The following CDK15 variants were observed in gnomAD, a reference collection of about 807,000 sequenced individuals.
CDK15 encodes the protein cyclin-dependent kinase 15.
A neutral mutation model predicts 60.3 loss-of-function variants in CDK15; 62 were observed. The observed-to-expected ratio is 1.03, with a 90% CI of 0.84 to 1.27. The LOEUF (loss-of-function observed/expected upper bound fraction) is 1.27, where lower values mean the gene tolerates loss of function less well. Ranked by LOEUF, CDK15 falls within the 50% of genes most tolerant of loss-of-function variation. The pLI is 0.00. For synonymous variants in CDK15, 194 were observed against 195.7 expected (o/e 0.99, Z 0.07); for missense variants, 541 against 527.8 (o/e 1.03, Z -0.25).
chr2:201,871,721 TAAGCAAC>T (rs1369441045), intron 10 of CDK15, among the ~76,000 whole-genome samples: 1 of 152,138 alleles, frequency 6.6e-6, no homozygotes, highest in Non-Finnish European at 1.5e-5. Flanking sequence ...CTGGGTGGCT[TAAGCAAC>T]AGAAATTTAT....
At chr2:201,888,569 C>T (rs1559153273) in intron 12 of CDK15, 3 of 1,464,742 alleles carry the variant, frequency 2.0e-6, no homozygotes, top group Non-Finnish European at 2.7e-6. Flanking sequence ...CGCGCTGCAG[C>T]TTTTTTCGTT....
chr2:201,882,566 C>G lies in CDK15; in HGVS notation c.1198+2399C>G, dbSNP rs1195549904. On this transcript the variant is annotated intron_variant, in intron 12 of 13. Coordinates refer to ENST00000652192, the MANE Select transcript of CDK15 (RefSeq NM_001366386.2). The surrounding 1 kb of genome is among the most constrained non-coding windows in gnomAD (Gnocchi z 4.0). ...ACAAGCATTTCCTGCAGCGACATCT[C>G]GAATCCCCGAGGGAGAAGATGAAAG... Among the ~76,000 whole-genome samples the G allele has an allele frequency of 6.6e-6, 1 of 151,900 alleles. No individual in the cohort carries two copies. Among genetic ancestry groups the G allele is most frequent in the South Asian group, 2.1e-4 (1 of 4,822 alleles).
At chr2:201,824,735 A>G (rs1032970950) in intron 6 of CDK15, 2 of 601,076 alleles carry the variant, frequency 3.3e-6, no homozygotes, top group Non-Finnish European at 4.9e-6. Flanking sequence ...CAGAATTCAT[A>G]TATCATCAAA....
chr2:201,839,228 C>T (rs888769557), intron 8 of CDK15, among the ~76,000 whole-genome samples: 2 of 151,936 alleles, frequency 1.3e-5, no homozygotes, highest in African/African-American at 4.8e-5. Context: ...TACTTGATAC[C>T]TTGTAGGCCA....
intron 2 of CDK15, 78 bp from the exon 3 acceptor site, chr2:201,807,780 A>G: frequency 6.4e-7 from 1 of 1,551,664 alleles, no homozygotes; most frequent in Non-Finnish European, 8.7e-7. Context: ...TCCCTGGGGA[A>G]AAAAAGTCAA....
chr2:201,870,534 G>C lies in CDK15; in HGVS notation c.1010-1744G>C, dbSNP rs928337998. Among the ~76,000 whole-genome samples the C allele has an allele frequency of 5.3e-5, 7 of 131,434 alleles. No individual in the cohort carries two copies. In the East Asian group the frequency reaches 1.4e-3, roughly 26 times the overall value. 86.2% of individuals were successfully genotyped at this position (131,434 alleles called of 152,430 possible). A position where few individuals can be genotyped will look rare whatever the true frequency, so the allele number is the denominator to read the frequency against. On this transcript the variant is annotated intron_variant, in intron 10 of 13. Transcript: ENST00000652192. ...GACCAGCCTGGACAAAAAAAAAAAAGCGAGACTCCCATCTCTAAATAAATT... is the reference window on the plus strand; with the variant it reads ...GACCAGCCTGGACAAAAAAAAAAAACCGAGACTCCCATCTCTAAATAAATT...
At chr2:201,872,223 G>A (rs1698872057) in intron 10 of CDK15, 55 bp from the exon 11 acceptor site, 2 of 1,550,792 alleles carry the variant, frequency 1.3e-6, no homozygotes, top group Non-Finnish European at 1.8e-6. Flanking sequence ...AGTATATTTG[G>A]CAACAGGGTT....
At chr2:201,806,822 T>G (rs748943259) in intron 1 of CDK15, 35 bp downstream of exon 1, 3 of 1,594,922 alleles carry the variant, frequency 1.9e-6, no homozygotes, top group Non-Finnish European at 2.5e-6. Flanking sequence ...TCTTTCTCTA[T>G]TGATAAACCA....
chr2:201,883,613 A>G (rs1699356423), intron 12 of CDK15, among the ~76,000 whole-genome samples: 1 of 152,222 alleles, frequency 6.6e-6, no homozygotes, highest in Admixed American at 6.5e-5. Flanking sequence ...AAGTTCTGAC[A>G]TTTTCCCTTA....
intron 10 of CDK15, among the ~76,000 whole-genome samples, chr2:201,863,661 C>T (rs912186127): frequency 1.2e-4 from 19 of 152,112 alleles, no homozygotes; most frequent in East Asian, 7.7e-4. Context: ...TTTGGGAGGC[C>T]GAGGCGGGTG....
chr2:201,834,099 T>G (rs1696901587), intron 7 of CDK15, 128 bp downstream of exon 7: 1 of 1,146,212 alleles, frequency 8.7e-7, no homozygotes, highest in South Asian at 2.0e-5. Context: ...TGTGAGGATA[T>G]CAAACTACCA....
intron 6 of CDK15, among the ~76,000 whole-genome samples, chr2:201,826,458 CAAAAAAAAAAA>C (rs373198183): frequency 1.3e-5 from 1 of 78,204 alleles, no homozygotes; most frequent in Non-Finnish European, 2.2e-5. Context: ...GACTGCGTCT[CAAAAAAAAAAA>C]AAAAAAAAAA....
chr2:201,881,299 C>T (rs1184165560), intron 12 of CDK15, among the ~76,000 whole-genome samples: 1 of 152,140 alleles, frequency 6.6e-6, no homozygotes, highest in Non-Finnish European at 1.5e-5. Flanking sequence ...CCAAAAATAA[C>T]CATAATCATA....
At chr2:201,853,889 C>T (rs192666589) in intron 9 of CDK15, among the ~76,000 whole-genome samples, 70 of 152,202 alleles carry the variant, frequency 4.6e-4, no homozygotes, top group East Asian at 3.3e-3. Flanking sequence ...AGGCCAGGCG[C>T]GGTTGCTCAT....
intron 8 of CDK15, among the ~76,000 whole-genome samples, chr2:201,842,829 G>T (rs1697460211): frequency 6.6e-6 from 1 of 152,146 alleles, no homozygotes; most frequent in South Asian, 2.1e-4. Flanking sequence ...TTCTGGAAGG[G>T]TTTAATGTTT....
At chr2:201,854,716 A>T (rs751554774) in intron 9 of CDK15, 158 bp from the exon 10 acceptor site, 10 of 620,798 alleles carry the variant, frequency 1.6e-5, no homozygotes, top group Non-Finnish European at 2.8e-5. Flanking sequence ...GGAAACACTC[A>T]AGTTTCTTTC....
intron 8 of CDK15, among the ~76,000 whole-genome samples, chr2:201,841,543 A>C (rs1697380938): frequency 6.6e-6 from 1 of 152,190 alleles, no homozygotes; most frequent in East Asian, 1.9e-4. Context: ...GTGAGAAGGG[A>C]GAAGATTTCC....
Position 201,823,713 on chromosome 2 carries a change from C to T in CDK15, c.592C>T (p.Pro198Ser). 1 of 1,613,742 alleles carries T rather than the reference C, an allele frequency of 6.2e-7. No homozygotes were observed. Among genetic ancestry groups the T allele is most frequent in the Non-Finnish European group, 8.5e-7 (1 of 1,179,792 alleles). Residue 198 changes from proline to serine, a missense_variant, in exon 6 of 14, where the codon CCT (proline) becomes TCT (serine). Coordinates refer to ENST00000652192, the MANE Select transcript of CDK15 (RefSeq NM_001366386.2). ...GTCTCAGCATCCAGGAGGGCTTCAT[C>T]CTCATAATGTCAGAGTGAGTACGTT... ...YMSQHPGGLHPHNVRLFMFQL... is the reference protein window; with the variant it reads ...YMSQHPGGLHSHNVRLFMFQL...
At chr2:201,880,004 T>A (rs1443234223) in intron 11 of CDK15, 24 bp from the exon 12 acceptor site, 2 of 1,612,578 alleles carry the variant, frequency 1.2e-6, no homozygotes, top group East Asian at 4.5e-5. Flanking sequence ...GGAGAAACTC[T>A]ATTTTTCTCT....
Sources: allele counts gnomAD v4.1 joint callset (sites outside exome capture counted in the v4.1 genomes callset), GRCh38; gene constraint gnomAD v4.1.1; non-coding constraint Gnocchi (gnomAD v3.1); transcripts MANE v1.5; gene names NCBI Gene and HGNC (gene_info 2026-07-23, HGNC 2026-07-21).